The following PTPRT variants were observed in gnomAD, a reference collection of about 807,000 sequenced individuals.
PTPRT encodes the protein protein tyrosine phosphatase receptor type T.
PTPRT carries 56 observed loss-of-function variants against 176.8 expected under a neutral mutation model. The ratio of observed to expected loss-of-function variants is 0.32; its 90% CI spans 0.26 to 0.40. The LOEUF (loss-of-function observed/expected upper bound fraction) is 0.40, where lower values mean the gene tolerates loss of function less well. Among genes scored for constraint, PTPRT ranks in the 10% least tolerant of loss-of-function variants. PTPRT has a pLI of 1.00. For synonymous variants in PTPRT, 783 were observed against 739.0 expected (o/e 1.06, Z -0.96); for missense variants, 1,540 against 1,908.2 (o/e 0.81, Z 3.60).
intron 14 of PTPRT, among the ~76,000 whole-genome samples, chr20:42,244,803 T>C (rs1311577104): frequency 6.6e-6 from 1 of 152,232 alleles, no homozygotes; most frequent in African/African-American, 2.4e-5. Context: ...ATGAACACTT[T>C]CAACTATTGA....
intron 1 of PTPRT, among the ~76,000 whole-genome samples, chr20:43,081,516 G>T (rs1600698628): frequency 6.6e-6 from 1 of 151,898 alleles, no homozygotes; most frequent in Admixed American, 6.6e-5. Context: ...TTTATTCCTT[G>T]ATCAGTCTCT....
chr20:43,036,568 T>C (rs183873254), intron 1 of PTPRT, among the ~76,000 whole-genome samples: 2 of 129,752 alleles, frequency 1.5e-5, no homozygotes, highest in East Asian at 2.1e-4. Flanking sequence ...TTTAAGAATT[T>C]ACAAAAAAAA....
At chr20:43,033,410 AC>A (rs1201653619) in intron 1 of PTPRT, among the ~76,000 whole-genome samples, 1 of 151,708 alleles carries the variant, frequency 6.6e-6, no homozygotes, top group African/African-American at 2.4e-5. Flanking sequence ...AATGGAAACA[AC>A]CCTCTCCACC....
chr20:42,757,234 G>A (rs142677618), intron 5 of PTPRT, among the ~76,000 whole-genome samples: 64 of 152,250 alleles, frequency 4.2e-4, no homozygotes, highest in Non-Finnish European at 7.5e-4. Flanking sequence ...CTGGCATGTA[G>A]CCCCTTAACT....
At chr20:43,116,558 A>G (rs16987784) in intron 1 of PTPRT, among the ~76,000 whole-genome samples, 2,338 of 152,276 alleles carry the variant, frequency 0.015, 61 homozygotes, top group African/African-American at 0.053. Flanking sequence ...CATAATGTCT[A>G]CTCAGGCTTA....
chr20:42,106,978 G>C (rs1986513005), intron 23 of PTPRT, 57 bp from the exon 24 acceptor site: 1 of 1,586,922 alleles, frequency 6.3e-7, no homozygotes, highest in African/African-American at 1.3e-5. Flanking sequence ...CTGCCCTGGG[G>C]AGGCCCCTAG....
At chr20:42,470,911 A>C (rs970110826) in intron 8 of PTPRT, among the ~76,000 whole-genome samples, 18 of 152,024 alleles carry the variant, frequency 1.2e-4, no homozygotes, top group Admixed American at 1.2e-3. Context: ...TACCCATTAG[A>C]AATGGGGGTA....
the PTPRT span, among the ~76,000 whole-genome samples, chr20:42,039,351 C>T: frequency 6.6e-6 from 1 of 151,954 alleles, no homozygotes; most frequent in Non-Finnish European, 1.5e-5. Context: ...GCAAAAAACC[C>T]ATTCTGTTAG....
intron 9 of PTPRT, among the ~76,000 whole-genome samples, chr20:42,356,632 G>A (rs1568806202): frequency 6.6e-6 from 1 of 152,134 alleles, no homozygotes; most frequent in Non-Finnish European, 1.5e-5. Flanking sequence ...GGAGGTGGAG[G>A]TAGCAGTGAG....
intron 3 of PTPRT, among the ~76,000 whole-genome samples, chr20:42,788,079 CA>C (rs1168012204): frequency 6.6e-6 from 1 of 152,056 alleles, no homozygotes; most frequent in African/African-American, 2.4e-5. Context: ...TAATTTGTCT[CA>C]AAACATCTAG....
chr20:42,293,220 A>G (rs1230689597), intron 12 of PTPRT, among the ~76,000 whole-genome samples: 6 of 152,114 alleles, frequency 3.9e-5, no homozygotes, highest in Non-Finnish European at 7.4e-5. Context: ...TTTTATCTCT[A>G]CTTGCTGACT....
At chr20:42,764,003 C>T (rs182516005) in intron 5 of PTPRT, among the ~76,000 whole-genome samples, 157 of 152,190 alleles carry the variant, frequency 1.0e-3, no homozygotes, top group Non-Finnish European at 1.9e-3. Context: ...TGTCTCTGAC[C>T]CAGAAGTTTC....
chr20:42,963,095 G>C (rs553002812), intron 1 of PTPRT, among the ~76,000 whole-genome samples: 4 of 152,282 alleles, frequency 2.6e-5, no homozygotes, highest in South Asian at 4.1e-4. Flanking sequence ...AGCTACTCGG[G>C]AGGCTGAGCA....
the PTPRT span, among the ~76,000 whole-genome samples, chr20:42,053,450 C>T: frequency 2.0e-5 from 3 of 152,180 alleles, no homozygotes; most frequent in South Asian, 2.1e-4. Context: ...CTGGAATATG[C>T]CAGAGGTGTG....
chr20:42,975,837 T>C (rs966736811), intron 1 of PTPRT, among the ~76,000 whole-genome samples: 3 of 151,952 alleles, frequency 2.0e-5, no homozygotes, highest in African/African-American at 7.3e-5. Context: ...CAAACCTGCA[T>C]GTTCTGCACA....
intron 16 of PTPRT, among the ~76,000 whole-genome samples, chr20:42,170,256 G>C (rs1028208282): frequency 1.6e-4 from 25 of 152,180 alleles, no homozygotes; most frequent in African/African-American, 5.8e-4. Context: ...TTGACTTCCT[G>C]TTCTAGAAGA....
At chr20:42,191,425 C>G (rs926378206) in intron 16 of PTPRT, among the ~76,000 whole-genome samples, 2 of 152,216 alleles carry the variant, frequency 1.3e-5, no homozygotes, top group African/African-American at 4.8e-5. Context: ...GTGATGGTAG[C>G]TCTCTGAACT....
intron 18 of PTPRT, among the ~76,000 whole-genome samples, chr20:42,140,343 G>A (rs957065995): frequency 1.3e-5 from 2 of 152,140 alleles, no homozygotes; most frequent in African/African-American, 4.8e-5. Flanking sequence ...GTCAGACAAA[G>A]GCTGTTGTAG....
the PTPRT span, among the ~76,000 whole-genome samples, chr20:42,038,580 C>T: frequency 6.6e-6 from 1 of 152,188 alleles, no homozygotes; most frequent in African/African-American, 2.4e-5. Flanking sequence ...GTTAGACTAT[C>T]TGGATGCAGT....
Sources: gnomAD v4.1 joint callset for allele counts (sites outside exome capture counted in the v4.1 genomes callset) on GRCh38, gnomAD v4.1.1 for gene constraint, MANE v1.5 for transcripts, NCBI Gene and HGNC (gene_info 2026-07-23, HGNC 2026-07-21) for gene names.